The following CTIF variants were observed in gnomAD, a reference collection of about 807,000 sequenced individuals.
CTIF encodes cap binding complex dependent translation initiation factor.
In CTIF, 21 loss-of-function variants were observed where a neutral mutation model predicts 66.0. That is an observed-to-expected ratio of 0.32 (90% CI 0.23 to 0.46). The LOEUF is 0.46. Ranked by LOEUF, CTIF falls within the 20% of genes least tolerant of loss-of-function variation. The pLI, the probability that CTIF is intolerant of heterozygous loss-of-function variation, is 1.00. For synonymous variants in CTIF, 345 were observed against 326.4 expected (o/e 1.06, Z -0.62); for missense variants, 739 against 812.7 (o/e 0.91, Z 1.10).
chr18:48,728,469 C>T (rs182486192), intron 7 of CTIF, among the ~76,000 whole-genome samples: 70 of 152,084 alleles, frequency 4.6e-4, no homozygotes, highest in Admixed American at 2.6e-3. Context: ...CAGTTTATGA[C>T]GGTCAAGCAT....
intron 6 of CTIF, among the ~76,000 whole-genome samples, chr18:48,689,816 G>A (rs1006007462): frequency 6.6e-6 from 1 of 152,172 alleles, no homozygotes; most frequent in African/African-American, 2.4e-5. Flanking sequence ...TTCCCCTGCC[G>A]CAGTTAACTC....
chr18:48,644,207 T>C (rs1042308275), intron 3 of CTIF, among the ~76,000 whole-genome samples: 1 of 152,192 alleles, frequency 6.6e-6, no homozygotes, highest in Non-Finnish European at 1.5e-5. Flanking sequence ...ATTTGTTCTT[T>C]CACCTATTGA....
chr18:48,711,517 GTCTT>G, intron 6 of CTIF, 98 bp from the exon 7 acceptor site: 1 of 872,674 alleles, frequency 1.1e-6, no homozygotes, highest in Non-Finnish European at 1.8e-6. Flanking sequence ...AACTCTTGAT[GTCTT>G]TCTGTCTTAG....
At chr18:48,781,166 C>T (rs1394777889) in intron 9 of CTIF, among the ~76,000 whole-genome samples, 1 of 152,220 alleles carries the variant, frequency 6.6e-6, no homozygotes, top group Non-Finnish European at 1.5e-5. Flanking sequence ...TCTGCTCTAC[C>T]CTCCTAGTGC....
At chr18:48,540,413 G>C (rs1021285228) in intron 1 of CTIF, 2 of 152,188 alleles carry the variant, frequency 1.3e-5, no homozygotes, top group African/African-American at 4.8e-5. Flanking sequence ...AAGGTCTGGG[G>C]CCTCGGAGGG....
At chr18:48,803,998 CT>C (rs1195874094) in intron 9 of CTIF, among the ~76,000 whole-genome samples, 1 of 152,214 alleles carries the variant, frequency 6.6e-6, no homozygotes, top group Non-Finnish European at 1.5e-5. Flanking sequence ...TAGGGCCCAC[CT>C]TCCATGTAAG....
chr18:48,578,965 G>T (rs1421922918), intron 1 of CTIF, among the ~76,000 whole-genome samples: 2 of 152,120 alleles, frequency 1.3e-5, no homozygotes, highest in Non-Finnish European at 2.9e-5. Context: ...AGAGGTTCAT[G>T]GTTGTACAAC....
At chr18:48,708,594 A>G (rs1384227) in intron 6 of CTIF, among the ~76,000 whole-genome samples, 48,124 of 152,162 alleles carry the variant, frequency 0.32, 8,835 homozygotes, top group African/African-American at 0.5. Flanking sequence ...GGCCTTATAC[A>G]TAGGACCAGC....
chr18:48,604,168 G>GTT (rs34544217), intron 1 of CTIF, among the ~76,000 whole-genome samples: 41,193 of 63,354 alleles, frequency 0.65, 17,814 homozygotes, highest in East Asian at 0.78. Context: ...TTTTTTAAGG[G>GTT]TTTTTTTTTT....
intron 1 of CTIF, among the ~76,000 whole-genome samples, chr18:48,611,118 G>A (rs974178505): frequency 1.3e-5 from 2 of 152,192 alleles, no homozygotes; most frequent in Admixed American, 6.5e-5. Flanking sequence ...CTCCCAGTAC[G>A]TCATTCCCCC....
intron 9 of CTIF, among the ~76,000 whole-genome samples, chr18:48,763,951 G>C (rs1909259700): frequency 6.6e-6 from 1 of 152,140 alleles, no homozygotes; most frequent in African/African-American, 2.4e-5. Context: ...ACCAGCCCAA[G>C]AGACCTAGTT....
intron 1 of CTIF, among the ~76,000 whole-genome samples, chr18:48,608,911 T>G (rs2144261624): frequency 6.6e-6 from 1 of 152,360 alleles, no homozygotes; most frequent in Non-Finnish European, 1.5e-5. Context: ...CCTGGAGCGC[T>G]GCTGCCACCA....
At chr18:48,587,225 G>A (rs551830573) in intron 1 of CTIF, among the ~76,000 whole-genome samples, 6 of 152,044 alleles carry the variant, frequency 3.9e-5, no homozygotes, top group East Asian at 1.9e-4. Context: ...GGAACTACAG[G>A]TGCGCACCAC....
Position 48,862,179 on chromosome 18 carries a change from C to G in CTIF, c.*2620C>G, listed in dbSNP as rs1160103252. 6.6e-6 allele frequency: 1 copy of G among 152,216 alleles called. No homozygotes were observed. Among genetic ancestry groups the G allele is most frequent in the Non-Finnish European group, 1.5e-5 (1 of 68,052 alleles). 9.4% of individuals were successfully genotyped at this position (152,216 alleles called of 1,614,324 possible). ...GCCCCACAGACCCTGGCCCCCTCCCCAAGTCCATCCCCTCTCTGTGGCATG... is the reference window on the plus strand; with the variant it reads ...GCCCCACAGACCCTGGCCCCCTCCCGAAGTCCATCCCCTCTCTGTGGCATG... On this transcript the variant is annotated 3_prime_UTR_variant, in exon 12 of 12. Coordinates refer to ENST00000256413, the MANE Select transcript of CTIF (RefSeq NM_014772.3).
chr18:48,753,068 T>C (rs1390540786), intron 7 of CTIF, among the ~76,000 whole-genome samples: 1 of 152,220 alleles, frequency 6.6e-6, no homozygotes, highest in Non-Finnish European at 1.5e-5. Flanking sequence ...CCGCAACCCT[T>C]GCGTTGTCCC....
At chr18:48,691,407 A>G (rs1295452813) in intron 6 of CTIF, among the ~76,000 whole-genome samples, 1 of 151,976 alleles carries the variant, frequency 6.6e-6, no homozygotes, top group Non-Finnish European at 1.5e-5. Context: ...TTTCCCATAC[A>G]TAACTTTGTA....
intron 1 of CTIF, among the ~76,000 whole-genome samples, chr18:48,563,863 G>A (rs1330282823): frequency 6.6e-6 from 1 of 152,200 alleles, no homozygotes; most frequent in Non-Finnish European, 1.5e-5. Context: ...GAGTGGGGTG[G>A]GGTCTTCCCA....
At chr18:48,560,384 C>G (rs2089128347) in intron 1 of CTIF, among the ~76,000 whole-genome samples, 1 of 151,930 alleles carries the variant, frequency 6.6e-6, no homozygotes, top group Non-Finnish European at 1.5e-5. Flanking sequence ...CACCACCACA[C>G]CCGGCTAATT....
intron 7 of CTIF, among the ~76,000 whole-genome samples, chr18:48,729,267 T>C (rs1454934370): frequency 6.6e-6 from 1 of 152,044 alleles, no homozygotes; most frequent in Non-Finnish European, 1.5e-5. Flanking sequence ...CACACCCACG[T>C]TCCCCCCACC....
Sources: allele counts gnomAD v4.1 joint callset (sites outside exome capture counted in the v4.1 genomes callset), GRCh38; gene constraint gnomAD v4.1.1; transcripts MANE v1.5; gene names NCBI Gene and HGNC (gene_info 2026-07-23, HGNC 2026-07-21).